Variants in TRIP12 observed in about 807,000 individuals in gnomAD.
TRIP12 encodes the protein thyroid hormone receptor interactor 12.
TRIP12 carries 25 observed loss-of-function variants against 244.2 expected under a neutral mutation model. The observed-to-expected ratio is 0.10, with a 90% CI of 0.07 to 0.14. TRIP12 has a LOEUF of 0.14. Ranked by LOEUF, TRIP12 falls within the 10% of genes least tolerant of loss-of-function variation. The probability of loss-of-function intolerance (pLI) is 1.00; values close to 1 mark genes in which losing one functional copy is unlikely to be tolerated. For missense variants in TRIP12, 1,677 were observed against 2,486.4 expected, an observed-to-expected ratio of 0.67 and a Z score of 6.92; for synonymous variants, 905 against 873.1, an observed-to-expected ratio of 1.04 and a Z score of -0.64.
intron 6 of TRIP12, among the ~76,000 whole-genome samples, chr2:229,831,856 A>T (rs2053473670): frequency 1.4e-5 from 2 of 146,236 alleles, no homozygotes; most frequent in Non-Finnish European, 1.5e-5. Context: ...GTGTCTGCTG[A>T]GGTCAAAGGT....
intron 27 of TRIP12, 133 bp downstream of exon 27, chr2:229,792,840 C>A: frequency 1.1e-6 from 1 of 928,316 alleles, no homozygotes; most frequent in Middle Eastern, 3.3e-4. Flanking sequence ...AAATAAAAGA[C>A]AGGAATATAA....
At chr2:229,815,419 T>C (rs2048254967) in intron 9 of TRIP12, 111 bp from the exon 10 acceptor site, 3 of 640,216 alleles carry the variant, frequency 4.7e-6, no homozygotes. Flanking sequence ...TATTCCTAAC[T>C]TTTACCACAC....
intron 2 of TRIP12, among the ~76,000 whole-genome samples, chr2:229,876,237 C>T (rs751912858): frequency 2.6e-5 from 4 of 152,134 alleles, no homozygotes; most frequent in Admixed American, 1.3e-4. Flanking sequence ...GATGATGCCA[C>T]TGCACTCCAG....
intron 26 of TRIP12, chr2:229,794,847 A>C (rs1055940966): frequency 7.3e-5 from 12 of 165,424 alleles, no homozygotes; most frequent in Non-Finnish European, 1.4e-4. Context: ...AGCCACAAAA[A>C]ATTTTTTATC....
chr2:229,851,823 C>G (rs182324210), intron 4 of TRIP12, among the ~76,000 whole-genome samples: 1 of 152,056 alleles, frequency 6.6e-6, no homozygotes, highest in African/African-American at 2.4e-5. Context: ...CAAACACATC[C>G]GAACATCAGA....
chr2:229,874,656 T>C (rs1285940422), intron 2 of TRIP12, among the ~76,000 whole-genome samples: 1 of 152,148 alleles, frequency 6.6e-6, no homozygotes, highest in Admixed American at 6.5e-5. Flanking sequence ...TATACATATA[T>C]TGATCTCTGT....
intron 1 of TRIP12, among the ~76,000 whole-genome samples, chr2:229,901,176 C>T (rs773133161): frequency 4.0e-5 from 6 of 151,096 alleles, no homozygotes; most frequent in Non-Finnish European, 7.4e-5. Context: ...TCAGGTAATC[C>T]GCCTGCCTCA....
At chr2:229,882,270 T>A (rs1392089882) in intron 1 of TRIP12, among the ~76,000 whole-genome samples, 1 of 152,196 alleles carries the variant, frequency 6.6e-6, no homozygotes, top group African/African-American at 2.4e-5. Context: ...AAAATACTTG[T>A]GGTAAAATAA....
rs1375400923 is a variant in TRIP12 at position 229,840,913 on chromosome 2, T to C, written c.1042A>G (p.Thr348Ala). 16 of 1,602,826 alleles carry C rather than the reference T, an allele frequency of 1.0e-5. No individual in the cohort carries two copies. Among genetic ancestry groups the C allele is most frequent in the Admixed American group, 8.8e-5 (5 of 56,546 alleles). ...QAKLASLRKS[T>A]KKRSESPPAE... is the part of the protein sequence containing the mutation. ...GGTGGAGACTCACTGCGTTTCTTCGTAGATTTTCTTAAACCTATCCACAGA... is the reference window on the plus strand; with the variant it reads ...GGTGGAGACTCACTGCGTTTCTTCGCAGATTTTCTTAAACCTATCCACAGA... Residue 348 changes from threonine (T) to alanine (A), a missense_variant, in exon 5 of 42, where the codon ACG becomes GCG. This residue lies in a region of TRIP12 where 143 missense variants were observed against 215.6 expected (regional missense o/e 0.66). Coordinates refer to ENST00000675903, the MANE Select transcript of TRIP12 (RefSeq NM_001348323.3).
Position 229,778,366 on chromosome 2 carries a change from G to A in TRIP12, c.5364+67C>T, listed in dbSNP as rs1418450053. ...TCTAAACTATAGCAGTAAACTACAG[G>A]GGACTGAGGTACTTGCACAGAACAT... On this transcript the variant is annotated intron_variant, in intron 36 of 41. Coordinates refer to ENST00000675903, the MANE Select transcript of TRIP12 (RefSeq NM_001348323.3). The surrounding 1 kb of genome is among the most constrained non-coding windows in gnomAD (Gnocchi z 4.1). 6.4e-6 allele frequency: 10 copies of A among 1,572,392 alleles called. No homozygotes were observed. The highest frequency in any genetic ancestry group is 1.4e-5 in the African/African-American group (1 of 73,712).
At position 229,798,878 on chromosome 2, in the gene TRIP12, T is replaced by G; in HGVS notation, c.3479A>C (p.Asn1160Thr). The part of the protein sequence containing the change: ...RAASKDTISN[N>T]REKIKGWIKE... ...CATAAAACTCCCCCCACTTCACCTA[T>G]TATTGGAGATGGTATCCTTTGAGGC... The change falls in exon 23 of 42, where the codon AAT becomes ACT. Residue 1160 changes from asparagine (N) to threonine (T), a missense_variant. Asn to Thr is a moderately conservative substitution (Grantham distance 65). Transcript: ENST00000675903. The G allele has an allele frequency of 6.2e-7, 1 of 1,612,318 alleles. No homozygotes were observed. The highest frequency in any genetic ancestry group is 2.2e-5 in the East Asian group (1 of 44,876).
chr2:229,770,369 G>A (rs2033791406), intron 39 of TRIP12, among the ~76,000 whole-genome samples: 1 of 152,174 alleles, frequency 6.6e-6, no homozygotes, highest in Admixed American at 6.5e-5. Context: ...AGCAAGTGGT[G>A]AGGACCATGA....
At chr2:229,802,201 A>C (rs1488895379) in intron 21 of TRIP12, 51 bp downstream of exon 21, 3 of 1,463,488 alleles carry the variant, frequency 2.0e-6, no homozygotes, top group Non-Finnish European at 2.8e-6. Flanking sequence ...TTAGGTACCA[A>C]AGCAGCGCTA....
chr2:229,856,934 T>C (rs753162867), intron 4 of TRIP12, among the ~76,000 whole-genome samples: 6 of 152,244 alleles, frequency 3.9e-5, no homozygotes, highest in East Asian at 1.9e-4. Flanking sequence ...AAGTAAAATA[T>C]GTTACTTCAC....
chr2:229,860,556 AATCT>A (rs1347858139), intron 2 of TRIP12, 25 bp from the exon 3 acceptor site: 11 of 1,576,170 alleles, frequency 7.0e-6, no homozygotes, highest in Admixed American at 3.7e-5. Context: ...TCAAAACAGA[AATCT>A]ATCAGGAAAC....
At chr2:229,848,766 G>A (rs1034121529) in intron 4 of TRIP12, among the ~76,000 whole-genome samples, 2 of 152,076 alleles carry the variant, frequency 1.3e-5, no homozygotes, top group South Asian at 2.1e-4. Context: ...GAATAAATCA[G>A]AACTAGGAAT....
At chr2:229,880,674 T>A (rs2064660947) in intron 1 of TRIP12, among the ~76,000 whole-genome samples, 1 of 151,930 alleles carries the variant, frequency 6.6e-6, no homozygotes, top group Non-Finnish European at 1.5e-5. Flanking sequence ...CCGGGTGGAG[T>A]GGCTCACACC....
At chr2:229,827,438 G>A (rs1163376358) in intron 8 of TRIP12, among the ~76,000 whole-genome samples, 8 of 152,038 alleles carry the variant, frequency 5.3e-5, no homozygotes, top group African/African-American at 1.7e-4. Context: ...TATCCATAGA[G>A]TATAAGCTTT....
At chr2:229,903,066 A>G (rs1355998951) in intron 1 of TRIP12, among the ~76,000 whole-genome samples, 1 of 137,390 alleles carries the variant, frequency 7.3e-6, no homozygotes, top group Non-Finnish European at 1.5e-5. Context: ...TGTCAGTAAT[A>G]AGATATACAG....
Sources: gnomAD v4.1 joint callset for allele counts (sites outside exome capture counted in the v4.1 genomes callset) on GRCh38, gnomAD v4.1.1 for gene constraint, gnomAD v4.1.1 regional missense constraint, Gnocchi (gnomAD v3.1) non-coding constraint, MANE v1.5 for transcripts, NCBI Gene and HGNC (gene_info 2026-07-23, HGNC 2026-07-21) for gene names.